MLLT10: variants seen among roughly 807,000 people sequenced by gnomAD.
The protein encoded by MLLT10 is MLLT10 histone lysine methyltransferase DOT1L cofactor, also known as protein AF-10.
In MLLT10, 30 loss-of-function variants were observed where a neutral mutation model predicts 129.1. That is an observed-to-expected ratio of 0.23 (90% CI 0.17 to 0.32). The LOEUF is 0.32. MLLT10 is among the 10% of genes least tolerant of loss of function. The pLI is 1.00. For missense variants in MLLT10, 1,119 were observed against 1,268.3 expected, an observed-to-expected ratio of 0.88 and a Z score of 1.79; for synonymous variants, 490 against 446.4, an observed-to-expected ratio of 1.10 and a Z score of -1.23.
intron 8 of MLLT10, among the ~76,000 whole-genome samples, chr10:21,641,987 A>G (rs1333983121): frequency 6.6e-6 from 1 of 152,224 alleles, no homozygotes; most frequent in Non-Finnish European, 1.5e-5. Flanking sequence ...TCTGAGGATC[A>G]TGGTCTAACA....
At chr10:21,591,870 A>G (rs1393288475) in intron 4 of MLLT10, among the ~76,000 whole-genome samples, 4 of 151,812 alleles carry the variant, frequency 2.6e-5, no homozygotes, top group Non-Finnish European at 5.9e-5. Context: ...ACAGGCACAC[A>G]CCACAACACT....
At position 21,726,266 on chromosome 10, in the gene MLLT10, C is replaced by A. The variant is rs181699146; in HGVS notation, c.1901C>A (p.Ser634Tyr). 6.2e-7 allele frequency: 1 copy of A among 1,610,774 alleles called. No individual in the cohort carries two copies. The highest frequency in any genetic ancestry group is 8.5e-7 in the Non-Finnish European group (1 of 1,177,756). ...TAGGCAAATACTCTATCTGGATCTT[C>A]TCTCAGTCAGGCACCATCTCATATG... ...TTQANTLSGS[S>Y]LSQAPSHMYG... The change falls in exon 15 of 23, where the codon TCT becomes TAT. Residue 634 changes from serine to tyrosine, a missense_variant. By Grantham distance (144) the Ser-to-Tyr change is moderately radical (BLOSUM62 -2). Transcript: ENST00000307729.
chr10:21,682,060 A>G (rs920588631), intron 12 of MLLT10, among the ~76,000 whole-genome samples, 165 bp from the exon 13 acceptor site: 13 of 152,232 alleles, frequency 8.5e-5, no homozygotes, highest in Non-Finnish European at 1.5e-4. Context: ...TTAAAAATTT[A>G]TACCATGTAA....
At chr10:21,704,929 C>A (rs766409722) in intron 13 of MLLT10, among the ~76,000 whole-genome samples, 12 of 152,042 alleles carry the variant, frequency 7.9e-5, no homozygotes, top group Non-Finnish European at 1.3e-4. Flanking sequence ...AGTAGACCAG[C>A]CTTTGCACCT....
chr10:21,713,178 A>G (rs2056259119), intron 13 of MLLT10, among the ~76,000 whole-genome samples: 1 of 152,194 alleles, frequency 6.6e-6, no homozygotes, highest in African/African-American at 2.4e-5. Flanking sequence ...CCATACAGTC[A>G]GTCACAAAGT....
intron 15 of MLLT10, 121 bp downstream of exon 15, chr10:21,726,476 T>TA (rs986248311): frequency 8.7e-5 from 50 of 574,088 alleles, no homozygotes; most frequent in Admixed American, 6.4e-4. Flanking sequence ...ATTTGTACTT[T>TA]AAAAAAATAT....
At chr10:21,599,052 G>A (rs983776590) in intron 5 of MLLT10, among the ~76,000 whole-genome samples, 7 of 152,064 alleles carry the variant, frequency 4.6e-5, no homozygotes, top group East Asian at 1.9e-4. Flanking sequence ...AGTAGCAGGC[G>A]CCTGTAATCC....
chr10:21,695,010 C>T (rs1250371588), intron 13 of MLLT10, among the ~76,000 whole-genome samples: 1 of 151,778 alleles, frequency 6.6e-6, no homozygotes, highest in Non-Finnish European at 1.5e-5. Flanking sequence ...TCGCCTTCTG[C>T]CGCATCTCTC....
chr10:21,595,198 G>A (rs1187005305), intron 4 of MLLT10, 133 bp from the exon 5 acceptor site: 2 of 579,704 alleles, frequency 3.5e-6, no homozygotes, highest in Admixed American at 6.2e-5. Flanking sequence ...AAGTAAGACA[G>A]CAATGAGAAT....
At chr10:21,614,213 GT>G (rs1364387979) in intron 6 of MLLT10, among the ~76,000 whole-genome samples, 16 of 50,244 alleles carry the variant, frequency 3.2e-4, no homozygotes, top group South Asian at 6.6e-4. Flanking sequence ...ACGAAACCCT[GT>G]TTTTTTTTTT....
Position 21,567,103 on chromosome 10 carries a change from G to A in MLLT10, c.241-19191G>A, listed in dbSNP as rs117027162. On this transcript the variant is annotated intron_variant, in intron 3 of 22. Transcript: ENST00000307729. ...GATGGGATTACAGGCGCGAGCCACC[G>A]AGCCCGGCCTTGGTATCTTTTTGGT... is the stretch of plus-strand genomic sequence containing the variant. 3.9e-5 allele frequency among the ~76,000 whole-genome samples: 6 copies of A among 152,290 alleles called. No individual in the cohort carries two copies. The East Asian group carries it at 1.2e-3, about 29-fold the overall frequency.
intron 13 of MLLT10, among the ~76,000 whole-genome samples, chr10:21,704,885 C>T (rs1019348518): frequency 3.3e-5 from 5 of 152,074 alleles, no homozygotes. Context: ...TTAGTGGAGG[C>T]AGTGGTGAAG....
chr10:21,661,141 T>C (rs1387719182), intron 9 of MLLT10, among the ~76,000 whole-genome samples: 2 of 152,188 alleles, frequency 1.3e-5, no homozygotes, highest in African/African-American at 4.8e-5. Flanking sequence ...AATTTCACTG[T>C]GGTCTGAGAG....
At chr10:21,717,888 TCTCCTCCTC>T (rs1197942786) in intron 14 of MLLT10, among the ~76,000 whole-genome samples, 1 of 75,954 alleles carries the variant, frequency 1.3e-5, no homozygotes, top group South Asian at 5.3e-4. Context: ...TCCTCCTCCT[TCTCCTCCTC>T]CTCCTCCTCC....
intron 8 of MLLT10, among the ~76,000 whole-genome samples, chr10:21,639,376 G>C (rs1303737048): frequency 6.6e-6 from 1 of 152,188 alleles, no homozygotes; most frequent in Non-Finnish European, 1.5e-5. Context: ...CTAAGCCCCA[G>C]GTGCTTCTGT....
intron 17 of MLLT10, among the ~76,000 whole-genome samples, 193 bp from the exon 18 acceptor site, chr10:21,732,706 A>G (rs2058063654): frequency 6.6e-6 from 1 of 152,242 alleles, no homozygotes; most frequent in South Asian, 2.1e-4. Flanking sequence ...CTTTGTGCTT[A>G]TAAAAATACA....
At chr10:21,723,790 G>A (rs1324856808) in intron 14 of MLLT10, among the ~76,000 whole-genome samples, 1 of 152,032 alleles carries the variant, frequency 6.6e-6, no homozygotes. Context: ...AATGTGTAGT[G>A]GATCTTTTTT....
intron 8 of MLLT10, among the ~76,000 whole-genome samples, chr10:21,627,444 C>T (rs2046569462): frequency 1.3e-5 from 2 of 152,184 alleles, no homozygotes; most frequent in African/African-American, 4.8e-5. Flanking sequence ...AAGGGGGAAA[C>T]ATTTTTCTCT....
intron 3 of MLLT10, among the ~76,000 whole-genome samples, chr10:21,566,962 C>T (rs1254364607): frequency 1.3e-5 from 2 of 151,976 alleles, no homozygotes; most frequent in Non-Finnish European, 2.9e-5. Flanking sequence ...TACAGGCATG[C>T]ACCACCACAC....
Sources: allele counts gnomAD v4.1 joint callset (sites outside exome capture counted in the v4.1 genomes callset), GRCh38; gene constraint gnomAD v4.1.1; transcripts MANE v1.5; gene names NCBI Gene and HGNC (gene_info 2026-07-23, HGNC 2026-07-21).